Variants in ATP10B observed in about 807,000 individuals in gnomAD.
The protein encoded by ATP10B is ATPase phospholipid transporting 10B (putative), also known as phospholipid-transporting ATPase VB.
A neutral mutation model predicts 141.2 loss-of-function variants in ATP10B; 122 were observed. The observed-to-expected ratio is 0.86, with a 90% confidence interval of 0.75 to 1.00. The LOEUF (loss-of-function observed/expected upper bound fraction) is 1.00. ATP10B is among the 50% of genes least tolerant of loss of function. The pLI is 0.00. For synonymous variants in ATP10B, 685 were observed against 692.0 expected, an observed-to-expected ratio of 0.99 and a Z score of 0.16; for missense variants, 1,876 against 1,825.3, an observed-to-expected ratio of 1.03 and a Z score of -0.51.
chr5:160,611,746 C>G (rs1757732063), intron 18 of ATP10B: 1 of 152,264 alleles, frequency 6.6e-6, no homozygotes. Context: ...TGTCCTCTCT[C>G]CCTCCTTTCC....
chr5:160,755,303 C>G (rs532051117), intron 2 of ATP10B, among the ~76,000 whole-genome samples: 11 of 152,224 alleles, frequency 7.2e-5, no homozygotes, highest in African/African-American at 2.6e-4. Flanking sequence ...GCCCCATGAT[C>G]CAATCACCTT....
chr5:160,801,563 A>G (rs977119217), intron 1 of ATP10B, among the ~76,000 whole-genome samples: 4 of 152,236 alleles, frequency 2.6e-5, no homozygotes, highest in African/African-American at 9.6e-5. Context: ...TCCTATATCC[A>G]GAGTAGCACA....
the ATP10B span, among the ~76,000 whole-genome samples, chr5:160,908,674 G>C: frequency 1.3e-5 from 2 of 152,178 alleles, no homozygotes; most frequent in Admixed American, 6.5e-5. Flanking sequence ...GAAAGGCATG[G>C]AGGCTGAAAG....
intron 2 of ATP10B, among the ~76,000 whole-genome samples, chr5:160,760,178 A>C (rs1419223152): frequency 2.0e-5 from 3 of 152,224 alleles, no homozygotes; most frequent in Admixed American, 1.3e-4. Context: ...TACCCTCAGA[A>C]TATAAGCCAA....
At chr5:160,736,574 A>G (rs1269859003) in intron 2 of ATP10B, among the ~76,000 whole-genome samples, 2 of 152,212 alleles carry the variant, frequency 1.3e-5, no homozygotes, top group African/African-American at 4.8e-5. Flanking sequence ...AGCCTGACCA[A>G]TATGGTGAAA....
intron 1 of ATP10B, among the ~76,000 whole-genome samples, chr5:160,798,744 A>ATTTTTTTTTTTT (rs35866347): frequency 9.8e-6 from 1 of 102,500 alleles, no homozygotes; most frequent in Non-Finnish European, 1.9e-5. Context: ...CTTTTTCTCT[A>ATTTTTTTTTTTT]TTTTTTTTTT....
chr5:160,785,360 C>T (rs539110040), intron 2 of ATP10B, among the ~76,000 whole-genome samples, 199 bp downstream of exon 2: 41 of 152,092 alleles, frequency 2.7e-4, no homozygotes, highest in Non-Finnish European at 5.3e-4. Context: ...TACTTGGCAT[C>T]TGACATACCA....
chr5:160,677,778 G>T (rs1763124497), intron 6 of ATP10B, among the ~76,000 whole-genome samples: 1 of 152,254 alleles, frequency 6.6e-6, no homozygotes, highest in South Asian at 2.1e-4. Context: ...TTAGGGCAAA[G>T]ATAGGCTTAT....
chr5:160,620,757 C>T lies in ATP10B; in HGVS notation c.2006G>A (p.Cys669Tyr). 6.2e-7 allele frequency: 1 copy of T among 1,614,234 alleles called. No homozygotes were observed. Among genetic ancestry groups the T allele is most frequent in the Non-Finnish European group, 8.5e-7 (1 of 1,180,046 alleles). ...GTCATCAGTGGAGTCACCTCCACTG[C>T]ACACAGATGCATCATCTCTCTCATC... The part of the protein sequence containing the change: ...DSDERDDASV[C>Y]SGGDSTDDGG... Residue 669 changes from cysteine (C) to tyrosine (Y), a missense_variant, in exon 15 of 26, where the codon TGC becomes TAC. Transcript: ENST00000327245.
intron 11 of ATP10B, among the ~76,000 whole-genome samples, chr5:160,634,938 A>G (rs1759249360): frequency 6.6e-6 from 1 of 152,132 alleles, no homozygotes; most frequent in Non-Finnish European, 1.5e-5. Context: ...GCCCGCTTTT[A>G]TAGGTATTCA....
the ATP10B span, among the ~76,000 whole-genome samples, chr5:160,921,158 C>T: frequency 6.6e-6 from 1 of 152,056 alleles, no homozygotes. Flanking sequence ...CATTCTTCCT[C>T]TACAGGATCA....
chr5:160,758,148 G>A (rs564025250), intron 2 of ATP10B, among the ~76,000 whole-genome samples: 1 of 152,276 alleles, frequency 6.6e-6, no homozygotes, highest in African/African-American at 2.4e-5. Flanking sequence ...AGTGGTGAAA[G>A]TGAATTTTCT....
chr5:160,796,974 A>G (rs1771991488), intron 1 of ATP10B, among the ~76,000 whole-genome samples: 1 of 152,168 alleles, frequency 6.6e-6, no homozygotes, highest in Admixed American at 6.5e-5. Flanking sequence ...AACTGTAGGG[A>G]AGGAGGCAGG....
chr5:160,823,389 A>G (rs1581603605), intron 1 of ATP10B, among the ~76,000 whole-genome samples: 1 of 151,760 alleles, frequency 6.6e-6, no homozygotes, highest in East Asian at 1.9e-4. Flanking sequence ...CCTGTCAGGG[A>G]GTGGGGTGGG....
chr5:160,876,844 G>C, the ATP10B span, among the ~76,000 whole-genome samples: 3 of 148,884 alleles, frequency 2.0e-5, no homozygotes, highest in African/African-American at 7.4e-5. Flanking sequence ...GGAAGAAGTT[G>C]AATCTCTGAA....
chr5:160,847,843 T>C (rs1776220914), intron 1 of ATP10B, among the ~76,000 whole-genome samples: 2 of 152,168 alleles, frequency 1.3e-5, no homozygotes, highest in African/African-American at 2.4e-5. Context: ...CAGAAACCTC[T>C]GCAAAAATCT....
intron 19 of ATP10B, among the ~76,000 whole-genome samples, chr5:160,605,290 C>G (rs1305095602): frequency 1.3e-5 from 2 of 152,160 alleles, no homozygotes; most frequent in Non-Finnish European, 2.9e-5. Context: ...ATTTATTGGT[C>G]TTAAAAGTTT....
At chr5:160,663,147 T>C (rs1302039089) in intron 7 of ATP10B, among the ~76,000 whole-genome samples, 3 of 152,098 alleles carry the variant, frequency 2.0e-5, no homozygotes, top group African/African-American at 4.8e-5. Flanking sequence ...CAACAGGTGC[T>C]GGAGAGGATG....
chr5:160,607,167 G>A, intron 18 of ATP10B, 81 bp from the exon 19 acceptor site: 1 of 1,222,056 alleles, frequency 8.2e-7, no homozygotes. Context: ...TCTTTAGTAA[G>A]ATAGTCATAA....
Sources: allele counts gnomAD v4.1 joint callset (sites outside exome capture counted in the v4.1 genomes callset), GRCh38; gene constraint gnomAD v4.1.1; transcripts MANE v1.5; gene names NCBI Gene and HGNC (gene_info 2026-07-23, HGNC 2026-07-21).